Variants in MSI2 observed in about 807,000 individuals in gnomAD.
MSI2 encodes musashi RNA binding protein 2.
MSI2 carries 17 observed loss-of-function variants against 45.6 expected under a neutral mutation model. The ratio of observed to expected loss-of-function variants is 0.37; its 90% CI spans 0.26 to 0.56. MSI2 has a LOEUF of 0.56. Ranked by LOEUF, MSI2 falls within the 20% of genes least tolerant of loss-of-function variation. MSI2 has a pLI of 0.77. For missense variants in MSI2, 293 were observed against 444.2 expected (o/e 0.66, Z 3.06); for synonymous variants, 156 against 158.2 (o/e 0.99, Z 0.11).
chr17:57,653,936 A>ATT (rs35452889), intron 11 of MSI2, among the ~76,000 whole-genome samples: 245 of 133,662 alleles, frequency 1.8e-3, no homozygotes, highest in Middle Eastern at 7.4e-3. Flanking sequence ...CCAGTCACAC[A>ATT]TTTTTTTTTT....
chr17:57,459,539 A>G (rs942637021), intron 6 of MSI2, among the ~76,000 whole-genome samples: 4 of 151,758 alleles, frequency 2.6e-5, no homozygotes, highest in Non-Finnish European at 5.9e-5. Flanking sequence ...TTAGATGGGA[A>G]CCCTGATGTT....
intron 6 of MSI2, among the ~76,000 whole-genome samples, chr17:57,411,654 G>A (rs542828209): frequency 2.6e-5 from 4 of 152,232 alleles, no homozygotes; most frequent in African/African-American, 9.6e-5. Flanking sequence ...AACTTAAGCT[G>A]TTTATCCTGA....
intron 11 of MSI2, among the ~76,000 whole-genome samples, chr17:57,671,950 C>T (rs899587897): frequency 6.6e-6 from 1 of 152,184 alleles, no homozygotes; most frequent in African/African-American, 2.4e-5. Context: ...AGAGAAGTGT[C>T]GACTGTGGAA....
At chr17:57,578,050 A>G (rs2080541252) in intron 7 of MSI2, among the ~76,000 whole-genome samples, 1 of 152,148 alleles carries the variant, frequency 6.6e-6, no homozygotes, top group Non-Finnish European at 1.5e-5. Flanking sequence ...CGGGAGAATG[A>G]TTGTGAAACT....
chr17:57,394,223 A>T (rs11870566), intron 5 of MSI2, among the ~76,000 whole-genome samples: 5,669 of 152,270 alleles, frequency 0.037, 128 homozygotes, highest in Non-Finnish European at 0.047. Flanking sequence ...AAGAAAGAAG[A>T]TGACACAGTA....
chr17:57,328,217 TCCATCCATCCATGCATCTACCTAG>T (rs1913971050), intron 5 of MSI2, among the ~76,000 whole-genome samples: 1 of 152,134 alleles, frequency 6.6e-6, no homozygotes, highest in Non-Finnish European at 1.5e-5. Flanking sequence ...CATCCATCCA[TCCATCCATCCATGCATCTACCTAG>T]CCATCCATCC....
chr17:57,639,125 C>G (rs1205082993), intron 10 of MSI2, among the ~76,000 whole-genome samples: 1 of 152,174 alleles, frequency 6.6e-6, no homozygotes, highest in Non-Finnish European at 1.5e-5. Flanking sequence ...ATGACCTAAT[C>G]ACCTTCCAAA....
intron 5 of MSI2, among the ~76,000 whole-genome samples, chr17:57,295,106 G>A (rs1378946029): frequency 1.3e-5 from 2 of 152,206 alleles, no homozygotes; most frequent in Admixed American, 6.5e-5. Flanking sequence ...GGGATGGGGG[G>A]AATGTGCCCA....
At chr17:57,314,488 G>T (rs1261983541) in intron 5 of MSI2, among the ~76,000 whole-genome samples, 1 of 151,920 alleles carries the variant, frequency 6.6e-6, no homozygotes, top group Non-Finnish European at 1.5e-5. Flanking sequence ...GTGTAAGAGT[G>T]GGCAGTGGCA....
chr17:57,538,308 G>A (rs547705461), intron 7 of MSI2, among the ~76,000 whole-genome samples: 4 of 152,248 alleles, frequency 2.6e-5, no homozygotes, highest in South Asian at 2.1e-4. Context: ...GAGGGGTCCC[G>A]GTTATTATGC....
chr17:57,334,384 T>C (rs1027601051), intron 5 of MSI2, among the ~76,000 whole-genome samples: 3 of 152,130 alleles, frequency 2.0e-5, no homozygotes, highest in African/African-American at 7.2e-5. Context: ...TGGAGAGCTG[T>C]CTGAGGCACT....
In MSI2 at chr17:57,407,219, G is replaced by A. The variant is rs1007723773; in HGVS notation, c.405+5748G>A. 1.3e-5 allele frequency among the ~76,000 whole-genome samples: 2 copies of A among 152,162 alleles called. No individual in the cohort carries two copies. Among genetic ancestry groups the A allele is most frequent in the African/African-American group, 4.8e-5 (2 of 41,432 alleles). The stretch of plus-strand genomic sequence containing the variant: ...TCCCGTTTATCCGGCCAGCGTGGGC[G>A]ATTGTGGGTGAGTGAGGCCCGAGGA... On this transcript the variant is annotated intron_variant, in intron 6 of 13. Transcript: ENST00000284073. This position sits in a 1 kb window ranked among gnomAD's most constrained non-coding sequence, Gnocchi z 4.1.
intron 6 of MSI2, among the ~76,000 whole-genome samples, chr17:57,438,820 T>C (rs11079301): frequency 0.23 from 34,142 of 149,874 alleles, 4,281 homozygotes; most frequent in South Asian, 0.29. Flanking sequence ...TTTTTGAGAC[T>C]GCGTTTGTTT....
rs1908894758 is a variant in MSI2, at chr17:57,627,253, A to G, written c.677A>G (p.Tyr226Cys). ...MLGYPNFVATYGRGYPGFAPS... is the reference protein window; with the variant it reads ...MLGYPNFVATCGRGYPGFAPS... The stretch of plus-strand genomic sequence containing the variant: ...GGATATCCCAACTTCGTGGCGACCT[A>G]TGGCCGTGGCTACCCCGGATTTGCT... The change falls in exon 10 of 14, where the codon TAT becomes TGT. Residue 226 changes from tyrosine (Y) to cysteine (C), a missense_variant. Physicochemically the swap from Tyr to Cys is radical, Grantham distance 194. Coordinates refer to ENST00000284073, the MANE Select transcript of MSI2 (RefSeq NM_138962.4). This position sits in a 1 kb window ranked among gnomAD's most constrained non-coding sequence, Gnocchi z 4.6. The G allele has an allele frequency of 6.2e-7, 1 of 1,614,144 alleles. No individual in the cohort carries two copies. Among genetic ancestry groups the G allele is most frequent in the Non-Finnish European group, 8.5e-7 (1 of 1,180,014 alleles).
intron 6 of MSI2, among the ~76,000 whole-genome samples, chr17:57,524,979 C>A (rs1221438534): frequency 6.6e-6 from 1 of 152,216 alleles, no homozygotes; most frequent in Non-Finnish European, 1.5e-5. Context: ...GCAAATACTA[C>A]TGAATCAGTC....
chr17:57,298,915 A>G (rs1208587015), intron 5 of MSI2, among the ~76,000 whole-genome samples: 2 of 152,192 alleles, frequency 1.3e-5, no homozygotes, highest in Non-Finnish European at 2.9e-5. Context: ...CCAATAAAAG[A>G]CTTTTGTATA....
chr17:57,320,417 T>A (rs1306393454), intron 5 of MSI2, among the ~76,000 whole-genome samples: 1 of 152,152 alleles, frequency 6.6e-6, no homozygotes, highest in Non-Finnish European at 1.5e-5. Flanking sequence ...TCTCACTTCT[T>A]TCAGGTGCAA....
At chr17:57,571,213 G>A (rs375621752) in intron 7 of MSI2, among the ~76,000 whole-genome samples, 15 of 152,330 alleles carry the variant, frequency 9.8e-5, no homozygotes, top group Middle Eastern at 3.4e-3. Context: ...GGAACCAGAG[G>A]CAGGAAGCAT....
intron 7 of MSI2, among the ~76,000 whole-genome samples, chr17:57,579,389 G>C (rs2088139740): frequency 6.6e-6 from 1 of 152,198 alleles, no homozygotes; most frequent in Non-Finnish European, 1.5e-5. Context: ...GGTGGTGGGA[G>C]AGGCGGTGGC....
Sources: gnomAD v4.1 joint callset for allele counts (sites outside exome capture counted in the v4.1 genomes callset) on GRCh38, gnomAD v4.1.1 for gene constraint, Gnocchi (gnomAD v3.1) non-coding constraint, MANE v1.5 for transcripts, NCBI Gene and HGNC (gene_info 2026-07-23, HGNC 2026-07-21) for gene names.